FAM135B: variants seen among roughly 807,000 people sequenced by gnomAD.
The protein encoded by FAM135B is protein FAM135B.
A neutral mutation model predicts 127.7 loss-of-function variants in FAM135B; 43 were observed. That is an observed-to-expected ratio of 0.34 (90% CI 0.26 to 0.43). The LOEUF is 0.43. FAM135B is among the 20% of genes least tolerant of loss of function. The pLI is 1.00. For synonymous variants in FAM135B, 670 were observed against 665.1 expected (o/e 1.01, Z -0.11); for missense variants, 1,558 against 1,725.6 (o/e 0.90, Z 1.72).
intron 1 of FAM135B, among the ~76,000 whole-genome samples, chr8:138,378,946 A>G (rs948152551): frequency 6.6e-6 from 1 of 152,182 alleles, no homozygotes; most frequent in Non-Finnish European, 1.5e-5. Flanking sequence ...AGGAAGCTCT[A>G]TTAAGGGAGC....
intron 1 of FAM135B, among the ~76,000 whole-genome samples, chr8:138,422,804 C>T (rs541662288): frequency 1.3e-5 from 2 of 152,276 alleles, no homozygotes; most frequent in South Asian, 2.1e-4. Context: ...TGTAAAGACA[C>T]ATATACTCAT....
intron 7 of FAM135B, among the ~76,000 whole-genome samples, chr8:138,219,411 G>C (rs1818850337): frequency 6.6e-6 from 1 of 152,134 alleles, no homozygotes; most frequent in South Asian, 2.1e-4. Context: ...TTTCATCGTA[G>C]GGGTTGATTT....
At chr8:138,185,974 G>A (rs1409610843) in intron 9 of FAM135B, among the ~76,000 whole-genome samples, 4 of 152,116 alleles carry the variant, frequency 2.6e-5, no homozygotes, top group Non-Finnish European at 5.9e-5. Flanking sequence ...CCACCTAGGT[G>A]GGACCCAAGT....
intron 1 of FAM135B, among the ~76,000 whole-genome samples, chr8:138,375,712 G>A (rs1030341750): frequency 6.6e-6 from 1 of 152,102 alleles, no homozygotes; most frequent in Admixed American, 6.5e-5. Flanking sequence ...CTTTTGGCAT[G>A]TGTGTTGGTT....
chr8:138,382,769 A>G (rs1403771752), intron 1 of FAM135B, among the ~76,000 whole-genome samples: 1 of 152,214 alleles, frequency 6.6e-6, no homozygotes, highest in African/African-American at 2.4e-5. Flanking sequence ...ATTGCAATTT[A>G]GAAAAAAACA....
At chr8:138,175,942 G>C (rs1814419054) in intron 11 of FAM135B, among the ~76,000 whole-genome samples, 2 of 152,192 alleles carry the variant, frequency 1.3e-5, no homozygotes. Flanking sequence ...AGCAGAGTCT[G>C]TGGCTAGCTC....
intron 1 of FAM135B, among the ~76,000 whole-genome samples, chr8:138,469,020 G>C (rs910790719): frequency 6.6e-6 from 1 of 151,358 alleles, no homozygotes; most frequent in Non-Finnish European, 1.5e-5. Flanking sequence ...CTCCAGCCTG[G>C]GCGACAGAAC....
At chr8:138,224,833 G>A (rs903974845) in intron 7 of FAM135B, among the ~76,000 whole-genome samples, 1 of 152,058 alleles carries the variant, frequency 6.6e-6, no homozygotes, top group Non-Finnish European at 1.5e-5. Context: ...AATCCTGCAC[G>A]ATCTCAGTTA....
Position 138,130,209 on chromosome 8 carries a change from T to G in FAM135B, c.*2384A>C, listed in dbSNP as rs1481673094. ...TTTACATAATATATATTTATATATA[T>G]TTTATGTATATATATTTATATATTC... On this transcript the variant is annotated 3_prime_UTR_variant, in exon 20 of 20. Coordinates refer to ENST00000395297, the MANE Select transcript of FAM135B (RefSeq NM_015912.4). 6.7e-6 allele frequency: 1 copy of G among 149,542 alleles called. No homozygotes were observed. The highest frequency in any genetic ancestry group is 1.5e-5 in the Non-Finnish European group (1 of 67,506). The allele number at this position is 149,542 out of a possible 1,614,324, so 9.3% of individuals were successfully genotyped here.
At chr8:138,271,737 GT>G (rs995035116) in intron 3 of FAM135B, among the ~76,000 whole-genome samples, 15 of 152,106 alleles carry the variant, frequency 9.9e-5, no homozygotes, top group Non-Finnish European at 1.8e-4. Context: ...GATCATAGAT[GT>G]TATTTATTAA....
At chr8:138,409,173 A>G (rs922905968) in intron 1 of FAM135B, among the ~76,000 whole-genome samples, 4 of 152,126 alleles carry the variant, frequency 2.6e-5, no homozygotes, top group African/African-American at 7.2e-5. Context: ...TCACTTGTCC[A>G]CTTAGAGGAC....
chr8:138,351,276 A>G (rs972096938), intron 2 of FAM135B, among the ~76,000 whole-genome samples: 8 of 152,032 alleles, frequency 5.3e-5, no homozygotes, highest in Admixed American at 3.9e-4. Context: ...AGAAAGCCCA[A>G]TAGAGTTAAA....
chr8:138,423,850 C>T (rs190575544), intron 1 of FAM135B, among the ~76,000 whole-genome samples: 2 of 152,264 alleles, frequency 1.3e-5, no homozygotes, highest in South Asian at 2.1e-4. Flanking sequence ...AAGACGGCTG[C>T]ACCCCAGGGG....
intron 1 of FAM135B, among the ~76,000 whole-genome samples, chr8:138,460,067 C>G (rs1486708821): frequency 6.6e-6 from 1 of 152,200 alleles, no homozygotes; most frequent in Admixed American, 6.5e-5. Flanking sequence ...TAAGGATTAA[C>G]TATTGTTTCT....
chr8:138,158,964 A>ATC (rs1306964791), intron 12 of FAM135B, among the ~76,000 whole-genome samples: 2 of 152,202 alleles, frequency 1.3e-5, no homozygotes, highest in Non-Finnish European at 2.9e-5. Flanking sequence ...AGGATTATAA[A>ATC]TCATGCTGCT....
intron 4 of FAM135B, among the ~76,000 whole-genome samples, chr8:138,257,474 G>A (rs897603619): frequency 2.0e-5 from 3 of 151,830 alleles, no homozygotes; most frequent in African/African-American, 7.3e-5. Context: ...ATATACACCT[G>A]GAAGATGGTA....
intron 1 of FAM135B, among the ~76,000 whole-genome samples, chr8:138,419,480 C>T (rs1354594818): frequency 6.6e-6 from 1 of 152,034 alleles, no homozygotes; most frequent in Non-Finnish European, 1.5e-5. Flanking sequence ...ATATTCAGAA[C>T]CCAAACTCGA....
At chr8:138,445,909 C>T (rs973490746) in intron 1 of FAM135B, among the ~76,000 whole-genome samples, 2 of 152,160 alleles carry the variant, frequency 1.3e-5, no homozygotes, top group African/African-American at 2.4e-5. Context: ...AAAACCCCAT[C>T]ATCTCAGCCC....
At chr8:138,488,753 G>A (rs983557943) in intron 1 of FAM135B, among the ~76,000 whole-genome samples, 2 of 152,056 alleles carry the variant, frequency 1.3e-5, no homozygotes, top group African/African-American at 2.4e-5. Flanking sequence ...TGCAACCTTC[G>A]CCTCCCAGGT....
Sources: allele counts gnomAD v4.1 joint callset (sites outside exome capture counted in the v4.1 genomes callset), GRCh38; gene constraint gnomAD v4.1.1; transcripts MANE v1.5; gene names NCBI Gene and HGNC (gene_info 2026-07-23, HGNC 2026-07-21).